KIF6: variants seen among roughly 807,000 people sequenced by gnomAD.
The protein encoded by KIF6 is kinesin-like protein KIF6.
A neutral mutation model predicts 112.7 loss-of-function variants in KIF6; 106 were observed. That is an observed-to-expected ratio of 0.94 (90% CI 0.80 to 1.11). The LOEUF is 1.11. Among genes scored for constraint, KIF6 ranks in the 50% least tolerant of loss-of-function variants. The pLI is 0.00. For synonymous variants in KIF6, 339 were observed against 339.9 expected (o/e 1.00, Z 0.03); for missense variants, 929 against 964.0 (o/e 0.96, Z 0.48).
At chr6:39,403,351 T>G (rs1310256303) in intron 15 of KIF6, among the ~76,000 whole-genome samples, 1 of 152,146 alleles carries the variant, frequency 6.6e-6, no homozygotes, top group Non-Finnish European at 1.5e-5. Context: ...CTCCCACCCC[T>G]GCCCTGCATT....
chr6:39,671,597 T>C (rs1786820336), intron 3 of KIF6, among the ~76,000 whole-genome samples: 3 of 152,168 alleles, frequency 2.0e-5, no homozygotes, highest in African/African-American at 7.2e-5. Flanking sequence ...CACTCCCCAC[T>C]ATTGTGCTTC....
intron 15 of KIF6, among the ~76,000 whole-genome samples, chr6:39,397,576 C>A (rs1412421675): frequency 6.6e-6 from 1 of 152,152 alleles, no homozygotes. Flanking sequence ...TTCCAGTACG[C>A]ATGGCTCTGT....
At chr6:39,380,734 G>A (rs187778232) in intron 16 of KIF6, among the ~76,000 whole-genome samples, 4 of 151,972 alleles carry the variant, frequency 2.6e-5, no homozygotes, top group East Asian at 1.9e-4. Flanking sequence ...GTATGATCTC[G>A]CTAAATGTGG....
At chr6:39,409,714 T>G (rs929442844) in intron 15 of KIF6, among the ~76,000 whole-genome samples, 2 of 152,206 alleles carry the variant, frequency 1.3e-5, no homozygotes, top group African/African-American at 4.8e-5. Context: ...GCCGTCTCCA[T>G]GCTGAGTGGA....
chr6:39,638,103 A>G (rs1784720717), intron 4 of KIF6, among the ~76,000 whole-genome samples: 2 of 152,042 alleles, frequency 1.3e-5, no homozygotes, highest in Admixed American at 1.3e-4. Context: ...TGAGAGTTTC[A>G]AGGGTTCTCT....
chr6:39,491,936 G>A (rs140450156), intron 13 of KIF6, among the ~76,000 whole-genome samples: 1 of 152,236 alleles, frequency 6.6e-6, no homozygotes, highest in Admixed American at 6.5e-5. Context: ...ATATTAAAAC[G>A]AGAGAAATGA....
chr6:39,657,076 C>A (rs1447436713), intron 3 of KIF6, among the ~76,000 whole-genome samples: 1 of 151,524 alleles, frequency 6.6e-6, no homozygotes, highest in African/African-American at 2.4e-5. Context: ...ACTAAAAATA[C>A]AAAAAAATTT....
chr6:39,400,707 T>G (rs1191464430), intron 15 of KIF6, among the ~76,000 whole-genome samples: 3 of 152,208 alleles, frequency 2.0e-5, no homozygotes, highest in Admixed American at 6.5e-5. Context: ...CGACAGGATT[T>G]TGACTCTGGC....
At chr6:39,416,963 G>C (rs9471097) in intron 15 of KIF6, among the ~76,000 whole-genome samples, 5 of 151,874 alleles carry the variant, frequency 3.3e-5, no homozygotes, top group Admixed American at 3.3e-4. Flanking sequence ...TGGAGCTGAG[G>C]CACCATCCCG....
chr6:39,481,614 G>C (rs1019849455), intron 13 of KIF6, among the ~76,000 whole-genome samples: 1 of 152,048 alleles, frequency 6.6e-6, no homozygotes, highest in African/African-American at 2.4e-5. Flanking sequence ...GATTCCTTAT[G>C]GTCTCTGCAC....
intron 13 of KIF6, among the ~76,000 whole-genome samples, chr6:39,518,326 C>A (rs553104099): frequency 6.6e-6 from 1 of 152,210 alleles, no homozygotes; most frequent in African/African-American, 2.4e-5. Flanking sequence ...TATGTACACA[C>A]ACATGCTTGC....
At chr6:39,602,416 T>C (rs942863137) in intron 6 of KIF6, among the ~76,000 whole-genome samples, 6 of 151,884 alleles carry the variant, frequency 4.0e-5, no homozygotes, top group Admixed American at 2.6e-4. Context: ...GAAAGATTAC[T>C]TCCTACAAAG....
Position 39,343,231 on chromosome 6 carries a change from AT to A in KIF6, c.2428+477del. On this transcript the variant is annotated intron_variant, in intron 22 of 22. Transcript: ENST00000287152. This position sits in a 1 kb window ranked among gnomAD's most constrained non-coding sequence, Gnocchi z 4.1. ...ACACGCCACTCTTACTTCCTCTGTGATTGTTATGGTGTCCTCGGGCCTGGGC... is the reference window on the plus strand; with the variant it reads ...ACACGCCACTCTTACTTCCTCTGTGATGTTATGGTGTCCTCGGGCCTGGGC... The A allele has an allele frequency of 8.1e-7, 1 of 1,240,436 alleles. No homozygotes were observed. Among genetic ancestry groups the A allele is most frequent in the South Asian group, 1.4e-5 (1 of 71,348 alleles). The allele number at this position is 1,240,436 out of a possible 1,614,324, so 76.8% of individuals were successfully genotyped here.
chr6:39,431,980 G>T (rs1045758627), intron 13 of KIF6, among the ~76,000 whole-genome samples: 1 of 151,320 alleles, frequency 6.6e-6, no homozygotes, highest in Non-Finnish European at 1.5e-5. Context: ...TAATGCTTCT[G>T]CCCTTGGTTC....
intron 20 of KIF6, chr6:39,346,249 C>A: frequency 1.5e-6 from 1 of 656,184 alleles, no homozygotes. Flanking sequence ...TGCTGTGCTA[C>A]GGACTGGAGG....
At position 39,343,309 on chromosome 6, in the gene KIF6, A is replaced by AGGGGAGTGAGACTTTAAGCC. The variant is rs774183280; in HGVS notation, c.2428+380_2428+399dup. The AGGGGAGTGAGACTTTAAGCC allele has an allele frequency of 1.5e-6, 2 of 1,293,702 alleles. No homozygotes were observed. Among genetic ancestry groups the AGGGGAGTGAGACTTTAAGCC allele is most frequent in the South Asian group, 2.5e-5 (2 of 81,068 alleles). The allele number at this position is 1,293,702 out of a possible 1,614,324, so 80.1% of individuals were successfully genotyped here. A position where few individuals can be genotyped will look rare whatever the true frequency, so the allele number is the denominator to read the frequency against. On this transcript the variant is annotated intron_variant, in intron 22 of 22. Coordinates refer to ENST00000287152, the MANE Select transcript of KIF6 (RefSeq NM_145027.6). The surrounding 1 kb of genome is among the most constrained non-coding windows in gnomAD (Gnocchi z 4.1). ...TCTTTGGCAAGAACCACACTCTGAT[A>AGGGGAGTGAGACTTTAAGCC]GGGGAGTGAGACTTTAAGCCAGGGG...
chr6:39,601,710 G>GGA (rs1186870943), intron 6 of KIF6, among the ~76,000 whole-genome samples: 1 of 52,470 alleles, frequency 1.9e-5, no homozygotes, highest in East Asian at 6.4e-4. Context: ...AATTTCTTTG[G>GGA]GACACACACA....
At chr6:39,537,737 A>G (rs1778529000) in intron 13 of KIF6, among the ~76,000 whole-genome samples, 1 of 152,214 alleles carries the variant, frequency 6.6e-6, no homozygotes, top group Non-Finnish European at 1.5e-5. Context: ...ATACGGAACC[A>G]AAAAAGAGCC....
chr6:39,442,487 C>T (rs773342878), intron 13 of KIF6, among the ~76,000 whole-genome samples: 2 of 152,198 alleles, frequency 1.3e-5, no homozygotes, highest in East Asian at 1.9e-4. Context: ...CGTGGACAGA[C>T]GCAGGCACTG....
Sources: allele counts gnomAD v4.1 joint callset (sites outside exome capture counted in the v4.1 genomes callset), GRCh38; gene constraint gnomAD v4.1.1; non-coding constraint Gnocchi (gnomAD v3.1); transcripts MANE v1.5; gene names NCBI Gene and HGNC (gene_info 2026-07-23, HGNC 2026-07-21).